Variants in VWA3B observed in about 807,000 individuals in gnomAD.
The protein encoded by VWA3B is von Willebrand factor A domain-containing protein 3B.
Under a neutral mutation model 158.3 loss-of-function variants are expected in VWA3B, and 138 were observed. That is an observed-to-expected ratio of 0.87 (90% CI 0.76 to 1.00). VWA3B has a LOEUF of 1.00. Ranked by LOEUF, VWA3B falls within the 50% of genes least tolerant of loss-of-function variation. VWA3B has a pLI of 0.00. For synonymous variants in VWA3B, 596 were observed against 587.3 expected (o/e 1.01, Z -0.21); for missense variants, 1,555 against 1,565.1 (o/e 0.99, Z 0.11).
At chr2:98,300,243 ACTTTCTC>A in intron 25 of VWA3B, 27 bp downstream of exon 25, 1 of 1,613,530 alleles carries the variant, frequency 6.2e-7, no homozygotes, top group South Asian at 1.1e-5. Flanking sequence ...TTAGAAAAGG[ACTTTCTC>A]CTGGGCAATG....
intron 8 of VWA3B, chr2:98,179,174 GT>G (rs1326467682): frequency 2.1e-6 from 1 of 469,934 alleles, no homozygotes; most frequent in Non-Finnish European, 4.4e-6. Flanking sequence ...CCAGACACCA[GT>G]GCCTCCTCAG....
At chr2:98,219,980 CG>C (rs1418625445) in intron 14 of VWA3B, among the ~76,000 whole-genome samples, 4 of 151,800 alleles carry the variant, frequency 2.6e-5, no homozygotes, top group African/African-American at 9.7e-5. Context: ...CTGAGCGACA[CG>C]GCAAGACCCC....
At chr2:98,323,590 G>A in the VWA3B span, among the ~76,000 whole-genome samples, 1 of 151,888 alleles carries the variant, frequency 6.6e-6, no homozygotes, top group African/African-American at 2.4e-5. Flanking sequence ...AGAAGCCTAA[G>A]GAACCTCAAA....
chr2:98,323,714 G>C, the VWA3B span, among the ~76,000 whole-genome samples: 1 of 152,150 alleles, frequency 6.6e-6, no homozygotes, highest in Non-Finnish European at 1.5e-5. Context: ...AGATTGACAT[G>C]ATTACAGATG....
intron 22 of VWA3B, among the ~76,000 whole-genome samples, chr2:98,289,233 A>G (rs1689346657): frequency 6.6e-6 from 1 of 152,162 alleles, no homozygotes; most frequent in Non-Finnish European, 1.5e-5. Flanking sequence ...GTATATCTAT[A>G]TATGCATATA....
chr2:98,264,868 A>C (rs1264809709), intron 21 of VWA3B, among the ~76,000 whole-genome samples: 1 of 152,074 alleles, frequency 6.6e-6, no homozygotes, highest in Non-Finnish European at 1.5e-5. Context: ...AGCTTGTTTT[A>C]TGTATCTGAG....
chr2:98,122,638 G>A (rs1341042628), intron 5 of VWA3B, among the ~76,000 whole-genome samples: 3 of 152,214 alleles, frequency 2.0e-5, no homozygotes, highest in Non-Finnish European at 4.4e-5. Context: ...GGCTCAGGGT[G>A]TGTGTGCATG....
At chr2:98,131,278 C>T (rs946758651) in intron 6 of VWA3B, among the ~76,000 whole-genome samples, 7 of 152,194 alleles carry the variant, frequency 4.6e-5, no homozygotes, top group Admixed American at 1.3e-4. Context: ...CTGCAAATGA[C>T]GGCATTTCCT....
At chr2:98,310,250 G>A (rs1199083906) in intron 26 of VWA3B, among the ~76,000 whole-genome samples, 1 of 152,146 alleles carries the variant, frequency 6.6e-6, no homozygotes, top group African/African-American at 2.4e-5. Context: ...GAGACCTCAG[G>A]AATCCAGCAG....
chr2:98,148,683 G>A (rs1015909339), intron 7 of VWA3B, among the ~76,000 whole-genome samples: 2 of 152,130 alleles, frequency 1.3e-5, no homozygotes, highest in East Asian at 1.9e-4. Flanking sequence ...GAATATAAAT[G>A]GATTTTCCCT....
intron 20 of VWA3B, among the ~76,000 whole-genome samples, chr2:98,253,295 T>G (rs1686918739): frequency 6.6e-6 from 1 of 152,148 alleles, no homozygotes; most frequent in Admixed American, 6.5e-5. Context: ...AAAAACAACC[T>G]TTGTGTAATC....
At chr2:98,264,643 T>C (rs1163086956) in intron 21 of VWA3B, among the ~76,000 whole-genome samples, 3 of 152,208 alleles carry the variant, frequency 2.0e-5, no homozygotes, top group Non-Finnish European at 2.9e-5. Context: ...CAGTCTATTC[T>C]GGAGAATATT....
chr2:98,149,786 G>A (rs1036398796), intron 7 of VWA3B, among the ~76,000 whole-genome samples: 13 of 152,068 alleles, frequency 8.5e-5, no homozygotes, highest in Non-Finnish European at 1.3e-4. Context: ...CTATTCCCCC[G>A]CCTCATTATC....
intron 19 of VWA3B, among the ~76,000 whole-genome samples, chr2:98,243,854 G>C (rs1379789836): frequency 6.6e-6 from 1 of 152,174 alleles, no homozygotes; most frequent in South Asian, 2.1e-4. Context: ...GATTTACACA[G>C]CTATTACATT....
Position 98,298,445 on chromosome 2 carries a change from TGCCA to T in VWA3B, c.3282+415_3282+418del, listed in dbSNP as rs1689972710. 5.5e-5 allele frequency among the ~76,000 whole-genome samples: 8 copies of T among 146,490 alleles called. No individual in the cohort carries two copies. The South Asian group carries it at 1.1e-3, about 20-fold the overall frequency. On this transcript the variant is annotated intron_variant, in intron 24 of 27. Transcript: ENST00000477737. ...TTCTATTCTATTCTATTCTATTCTA[TGCCA>T]TGCCATGCCATGCCATGCCATCCCA...
rs1687129384 is a variant in VWA3B, at chr2:98,256,187, A to G, written c.2843+13A>G. 13 of 1,568,172 alleles carry G rather than the reference A, an allele frequency of 8.3e-6. No homozygotes were observed. Among genetic ancestry groups the G allele is most frequent in the Non-Finnish European group, 1.0e-5 (12 of 1,165,792 alleles). ...AGGAAAAAGAAAAGTAAGCCATTCC[A>G]TTCCCTCCTCACTTTTTTTTTTTGG... is the stretch of plus-strand genomic sequence containing the variant. On this transcript the variant is annotated intron_variant, in intron 21 of 27. Transcript: ENST00000477737.
chr2:98,187,936 C>T (rs1681246176), intron 9 of VWA3B, 39 bp from the exon 10 acceptor site: 13 of 1,541,356 alleles, frequency 8.4e-6, no homozygotes, highest in Non-Finnish European at 1.0e-5. Context: ...TCTCTTTGGA[C>T]AGTTTCTGAG....
At chr2:98,260,744 A>G (rs559806489) in intron 21 of VWA3B, among the ~76,000 whole-genome samples, 151 of 151,814 alleles carry the variant, frequency 9.9e-4, no homozygotes, top group African/African-American at 1.4e-3. Context: ...TCTAATTTTT[A>G]TATCTGCTTG....
intron 13 of VWA3B, 31 bp from the exon 14 acceptor site, chr2:98,217,815 C>T: frequency 6.5e-7 from 1 of 1,536,940 alleles, no homozygotes; most frequent in Non-Finnish European, 8.7e-7. Context: ...TTCCATCTCC[C>T]TTCCCCCATC....
Sources: gnomAD v4.1 joint callset for allele counts (sites outside exome capture counted in the v4.1 genomes callset) on GRCh38, gnomAD v4.1.1 for gene constraint, MANE v1.5 for transcripts, NCBI Gene and HGNC (gene_info 2026-07-23, HGNC 2026-07-21) for gene names.